CTSS: variants seen among roughly 807,000 people sequenced by gnomAD.
CTSS encodes the protein cathepsin S.
CTSS carries 15 observed loss-of-function variants against 39.9 expected under a neutral mutation model. The observed-to-expected ratio is 0.38, with a 90% confidence interval of 0.25 to 0.58. The LOEUF (loss-of-function observed/expected upper bound fraction) is 0.58. Ranked by LOEUF, CTSS falls within the 20% of genes least tolerant of loss-of-function variation. The probability of loss-of-function intolerance (pLI) is 0.70; values close to 1 mark genes in which losing one functional copy is unlikely to be tolerated. For missense variants in CTSS, 250 were observed against 398.2 expected, an observed-to-expected ratio of 0.63 and a Z score of 3.17; for synonymous variants, 126 against 138.2, an observed-to-expected ratio of 0.91 and a Z score of 0.62.
chr1:150,735,587 T>TTTTG (rs886118087), intron 7 of CTSS, among the ~76,000 whole-genome samples: 3 of 152,150 alleles, frequency 2.0e-5, no homozygotes, highest in East Asian at 1.9e-4. Context: ...TAGTGGGTTT[T>TTTTG]TTTGTTTGTT....
At chr1:150,754,692 T>C (rs1355890095) in intron 4 of CTSS, among the ~76,000 whole-genome samples, 3 of 152,186 alleles carry the variant, frequency 2.0e-5, no homozygotes, top group African/African-American at 7.2e-5. Flanking sequence ...CCTCCCAAAG[T>C]AATGGTATTA....
chr1:150,759,129 C>A (rs117005649), intron 2 of CTSS, among the ~76,000 whole-genome samples: 7 of 151,652 alleles, frequency 4.6e-5, no homozygotes, highest in Admixed American at 4.6e-4. Flanking sequence ...CTTGGCCTCC[C>A]AAAGTGCTGG....
intron 4 of CTSS, among the ~76,000 whole-genome samples, chr1:150,754,584 G>A (rs1025204381): frequency 1.3e-5 from 2 of 151,908 alleles, no homozygotes; most frequent in African/African-American, 4.8e-5. Context: ...TGTGCCACCA[G>A]GCCCAGTTAA....
Position 150,757,850 on chromosome 1 carries a change from G to T in CTSS, c.249+8C>A, listed in dbSNP as rs777700118. The T allele has an allele frequency of 1.9e-6, 3 of 1,612,350 alleles. No individual in the cohort carries two copies. The highest frequency in any genetic ancestry group is 1.7e-6 in the Non-Finnish European group (2 of 1,178,764). On this transcript the variant is annotated splice_region_variant and intron_variant, in intron 3 of 7. Transcript: ENST00000368985. ...ACGTGAAAGTGGGATTTCTTGTAAT[G>T]TACCTACCATGTCTCCCAGGTGGTT...
chr1:150,762,247 CT>C (rs1653282523), intron 2 of CTSS, among the ~76,000 whole-genome samples: 1 of 152,056 alleles, frequency 6.6e-6, no homozygotes, highest in African/African-American at 2.4e-5. Flanking sequence ...AAATTGAACC[CT>C]TATGTCACCC....
At chr1:150,751,226 A>C (rs1263050160) in intron 5 of CTSS, among the ~76,000 whole-genome samples, 1 of 152,106 alleles carries the variant, frequency 6.6e-6, no homozygotes, top group Non-Finnish European at 1.5e-5. Flanking sequence ...AATACAGAGA[A>C]ATAATTTTAA....
intron 6 of CTSS, chr1:150,748,288 TAA>T (rs75569024): frequency 1.4e-4 from 19 of 133,036 alleles, no homozygotes; most frequent in Non-Finnish European, 1.6e-4. Flanking sequence ...GACTCCATCT[TAA>T]AAAAAAAAAA....
At chr1:150,741,742 G>A (rs1022595001) in intron 7 of CTSS, among the ~76,000 whole-genome samples, 9 of 151,908 alleles carry the variant, frequency 5.9e-5, no homozygotes, top group African/African-American at 2.2e-4. Context: ...AGGTGTTTTG[G>A]TGGGCACCTG....
At chr1:150,738,759 G>A (rs1571092677) in intron 7 of CTSS, among the ~76,000 whole-genome samples, 1 of 152,014 alleles carries the variant, frequency 6.6e-6, no homozygotes, top group African/African-American at 2.4e-5. Context: ...CATGAGCCAC[G>A]TGCATATAAG....
intron 7 of CTSS, among the ~76,000 whole-genome samples, chr1:150,738,763 A>C (rs1652686663): frequency 6.6e-6 from 1 of 152,136 alleles, no homozygotes; most frequent in Non-Finnish European, 1.5e-5. Context: ...AGCCACGTGC[A>C]TATAAGATGG....
At chr1:150,760,880 C>CAA (rs56889122) in intron 2 of CTSS, among the ~76,000 whole-genome samples, 127 of 117,020 alleles carry the variant, frequency 1.1e-3, no homozygotes, top group African/African-American at 3.5e-3. Context: ...GATCTCATCT[C>CAA]AAAAAAAAAA....
At position 150,758,983 on chromosome 1, in the gene CTSS, G is replaced by A. The variant is rs587752794; in HGVS notation, c.127-1003C>T. 6.0e-5 allele frequency among the ~76,000 whole-genome samples: 9 copies of A among 150,614 alleles called. No individual in the cohort carries two copies. In the South Asian group the frequency reaches 1.7e-3, roughly 28 times the overall value. ...CCCATCTCAGCTGCCCGAGTAGCTA[G>A]GACTGCAAGCCTGCACCACCACAAC... is the stretch of plus-strand genomic sequence containing the variant. On this transcript the variant is annotated intron_variant, in intron 2 of 7. Transcript: ENST00000368985.
Position 150,753,432 on chromosome 1 carries a change from C to G in CTSS, c.400-1424G>C, listed in dbSNP as rs193110492. 1.1e-3 allele frequency among the ~76,000 whole-genome samples: 166 copies of G among 152,318 alleles called. 2 individuals are homozygous for G. The South Asian group carries it at 0.023, about 21-fold the overall frequency. Reference sequence around the variant, plus strand: ...TGAGTGGCTCAATTTATAGAACACTCTATCTCTAGTTCTTTCTTCTCCTTC... The same window carrying G: ...TGAGTGGCTCAATTTATAGAACACTGTATCTCTAGTTCTTTCTTCTCCTTC... On this transcript the variant is annotated intron_variant, in intron 4 of 7. Coordinates refer to ENST00000368985, the MANE Select transcript of CTSS (RefSeq NM_004079.5).
chr1:150,732,707 C>G lies in CTSS; in HGVS notation c.*339G>C. 5.6e-6 allele frequency: 1 copy of G among 179,244 alleles called. No homozygotes were observed. The highest frequency in any genetic ancestry group is 1.6e-4 in the East Asian group (1 of 6,230). The allele number at this position is 179,244 out of a possible 1,614,324, so 11.1% of individuals were successfully genotyped here. ...CAACATAGCCTCAACCTCTTGGGTTCAAGGAATCTCGTGCCTCAGCCTCCC... is the reference window on the plus strand; with the variant it reads ...CAACATAGCCTCAACCTCTTGGGTTGAAGGAATCTCGTGCCTCAGCCTCCC... On this transcript the variant is annotated 3_prime_UTR_variant, in exon 8 of 8. Transcript: ENST00000368985.
At chr1:150,740,735 A>G (rs1286550792) in intron 7 of CTSS, among the ~76,000 whole-genome samples, 1 of 150,382 alleles carries the variant, frequency 6.6e-6, no homozygotes, top group African/African-American at 2.5e-5. Flanking sequence ...CTGTCACTGA[A>G]GCTAGAGTTG....
rs1313626928 is a variant in CTSS at position 150,732,989 on chromosome 1, T to C, written c.*57A>G. The C allele has an allele frequency of 2.5e-6, 3 of 1,223,466 alleles. No homozygotes were observed. The highest frequency in any genetic ancestry group is 1.5e-5 in the African/African-American group (1 of 66,256). The allele number at this position is 1,223,466 out of a possible 1,614,324, so 75.8% of individuals were successfully genotyped here. On this transcript the variant is annotated 3_prime_UTR_variant, in exon 8 of 8. Transcript: ENST00000368985. The stretch of plus-strand genomic sequence containing the variant: ...TTTCTTCTGGATACAGCAGGAAAAA[T>C]TAAGTTAAGAGAAAGTGCTTCATAT...
Position 150,759,176 on chromosome 1 carries a change from G to T in CTSS, c.127-1196C>A, listed in dbSNP as rs587622763. ...TGAACCATACACCCAGCCATGATTT[G>T]CTCTTTCTTTTTGATGTTTTACAAC... On this transcript the variant is annotated intron_variant, in intron 2 of 7. Transcript: ENST00000368985. Among the ~76,000 whole-genome samples, 16 of 151,622 alleles carry T rather than the reference G, an allele frequency of 1.1e-4. No homozygotes were observed. In the East Asian group the frequency reaches 2.5e-3, roughly 24 times the overall value.
intron 7 of CTSS, among the ~76,000 whole-genome samples, chr1:150,737,247 C>T (rs6587520): frequency 0.39 from 59,533 of 151,870 alleles, 13,315 homozygotes; most frequent in Non-Finnish European, 0.5. Flanking sequence ...GGATTACAGG[C>T]GTGCGCCATC....
At chr1:150,761,495 G>GC (rs946277872) in intron 2 of CTSS, among the ~76,000 whole-genome samples, 3 of 152,142 alleles carry the variant, frequency 2.0e-5, no homozygotes, top group Non-Finnish European at 1.5e-5. Context: ...ACTATGGGAG[G>GC]CCGAAGCAGG....
Sources: gnomAD v4.1 joint callset for allele counts (sites outside exome capture counted in the v4.1 genomes callset) on GRCh38, gnomAD v4.1.1 for gene constraint, MANE v1.5 for transcripts, NCBI Gene and HGNC (gene_info 2026-07-23, HGNC 2026-07-21) for gene names.